Variants in MAP3K20 observed in about 807,000 individuals in gnomAD.
The protein encoded by MAP3K20 is mitogen-activated protein kinase kinase kinase 20.
MAP3K20 carries 40 observed loss-of-function variants against 85.7 expected under a neutral mutation model. The ratio of observed to expected loss-of-function variants is 0.47; its 90% CI spans 0.36 to 0.61. The LOEUF (loss-of-function observed/expected upper bound fraction) is 0.61. Ranked by LOEUF, MAP3K20 falls within the 20% of genes least tolerant of loss-of-function variation. The pLI, the probability that MAP3K20 is intolerant of heterozygous loss-of-function variation, is 0.00. For synonymous variants in MAP3K20, 325 were observed against 327.7 expected, an observed-to-expected ratio of 0.99 and a Z score of 0.09; for missense variants, 817 against 961.7, an observed-to-expected ratio of 0.85 and a Z score of 1.99.
intron 2 of MAP3K20, among the ~76,000 whole-genome samples, chr2:173,145,069 G>A (rs1230337309): frequency 6.6e-6 from 1 of 152,064 alleles, no homozygotes; most frequent in Non-Finnish European, 1.5e-5. Context: ...TATACCAAAT[G>A]CAAAAATTAA....
At position 173,187,631 on chromosome 2, in the gene MAP3K20, AGTTAT is replaced by A. The variant is rs1559269229; in HGVS notation, c.415+12_415+16del. 1.9e-6 allele frequency: 3 copies of A among 1,600,696 alleles called. No individual in the cohort carries two copies. The African/African-American group carries it at 4.0e-5, about 22-fold the overall frequency. ...ACCTCAAGTCAAGAAACGGTAATGT[AGTTAT>A]GTTTTTATTTTACCTATTTTATTAC... On this transcript the variant is annotated intron_variant, in intron 5 of 19. Transcript: ENST00000375213.
intron 2 of MAP3K20, among the ~76,000 whole-genome samples, chr2:173,115,713 C>A (rs1688102058): frequency 6.6e-6 from 1 of 152,178 alleles, no homozygotes; most frequent in Non-Finnish European, 1.5e-5. Flanking sequence ...GCAAGTCTAC[C>A]AGGCTCCAGG....
chr2:173,219,884 T>C (rs537546859), intron 11 of MAP3K20, among the ~76,000 whole-genome samples: 56 of 152,042 alleles, frequency 3.7e-4, no homozygotes, highest in African/African-American at 5.1e-4. Flanking sequence ...CTGGACAGCA[T>C]AGTGAAACCC....
At chr2:173,145,157 G>A (rs1377907471) in intron 2 of MAP3K20, among the ~76,000 whole-genome samples, 1 of 151,956 alleles carries the variant, frequency 6.6e-6, no homozygotes, top group Non-Finnish European at 1.5e-5. Context: ...AATCTCTTGT[G>A]ACCTTTGATA....
upstream of MAP3K20, chr2:173,075,708 G>A (rs1212573389): frequency 4.3e-6 from 4 of 938,306 alleles, no homozygotes; most frequent in Non-Finnish European, 5.0e-6. Flanking sequence ...GGGGCGCGGG[G>A]CGGATGGTGC....
intron 2 of MAP3K20, among the ~76,000 whole-genome samples, chr2:173,144,529 AG>A (rs1322843521): frequency 7.0e-6 from 1 of 142,878 alleles, no homozygotes; most frequent in Non-Finnish European, 1.5e-5. Context: ...AAAAGAGAAA[AG>A]AAAAGAAATA....
In MAP3K20 at chr2:173,224,273, G is replaced by A. The variant is rs187283852; in HGVS notation, c.988-5416G>A. The A allele has an allele frequency of 2.4e-5, 24 of 985,314 alleles. No individual in the cohort carries two copies. The East Asian group carries it at 1.1e-3, about 47-fold the overall frequency. 61.0% of individuals were successfully genotyped at this position (985,314 alleles called of 1,614,324 possible). A position where few individuals can be genotyped will look rare whatever the true frequency, so the allele number is the denominator to read the frequency against. On this transcript the variant is annotated intron_variant, in intron 11 of 19. Coordinates refer to ENST00000375213, the MANE Select transcript of MAP3K20 (RefSeq NM_016653.3). ...CAAGGGGATCTTTGGGGCTAACTTC[G>A]GGATCCCTGCACTTTATGTAAGAAT...
At chr2:173,214,347 C>T (rs1199361706) in intron 10 of MAP3K20, 2 of 152,166 alleles carry the variant, frequency 1.3e-5, no homozygotes, top group African/African-American at 4.8e-5. Context: ...TTTGGATTTT[C>T]ATTAACCATG....
chr2:173,156,305 C>A (rs1203633372), intron 2 of MAP3K20, among the ~76,000 whole-genome samples: 1 of 152,114 alleles, frequency 6.6e-6, no homozygotes, highest in African/African-American at 2.4e-5. Flanking sequence ...TTTAGTAGAA[C>A]CCCATTTATT....
At chr2:173,107,621 T>C (rs918702851) in intron 2 of MAP3K20, among the ~76,000 whole-genome samples, 3 of 152,234 alleles carry the variant, frequency 2.0e-5, no homozygotes, top group Non-Finnish European at 2.9e-5. Context: ...TAGGAAGCAA[T>C]ATGGCTTCGT....
intron 11 of MAP3K20, chr2:173,226,166 C>T: frequency 3.3e-6 from 3 of 906,316 alleles, no homozygotes; most frequent in South Asian, 1.0e-4. Context: ...AAACTTGATC[C>T]CCATTAAAAA....
intron 2 of MAP3K20, among the ~76,000 whole-genome samples, chr2:173,147,197 T>A (rs1055640071): frequency 6.6e-6 from 1 of 152,264 alleles, no homozygotes; most frequent in Non-Finnish European, 1.5e-5. Context: ...GTACTAACGT[T>A]CTTCATTTTG....
At chr2:173,248,221 T>C (rs982345037) in intron 16 of MAP3K20, among the ~76,000 whole-genome samples, 2 of 152,184 alleles carry the variant, frequency 1.3e-5, no homozygotes, top group African/African-American at 4.8e-5. Flanking sequence ...GGAATGCTGC[T>C]TCTCAGTTTC....
chr2:173,205,385 T>G (rs762783083), intron 9 of MAP3K20, among the ~76,000 whole-genome samples: 13 of 152,118 alleles, frequency 8.5e-5, no homozygotes, highest in Non-Finnish European at 1.6e-4. Context: ...ATATGTTTCT[T>G]TAATGGGAAT....
At chr2:173,104,792 A>C (rs1687737942) in intron 2 of MAP3K20, among the ~76,000 whole-genome samples, 1 of 152,186 alleles carries the variant, frequency 6.6e-6, no homozygotes, top group Non-Finnish European at 1.5e-5. Context: ...CTAGGGTTCA[A>C]ATTTCAATGA....
intron 11 of MAP3K20, among the ~76,000 whole-genome samples, chr2:173,219,429 ATTTAT>A (rs1197378547): frequency 9.2e-5 from 14 of 152,146 alleles, no homozygotes; most frequent in African/African-American, 1.9e-4. Flanking sequence ...TAAACTTTTT[ATTTAT>A]TTTAAGAATA....
chr2:173,087,338 G>A (rs1373223525), intron 1 of MAP3K20, among the ~76,000 whole-genome samples: 1 of 152,228 alleles, frequency 6.6e-6, no homozygotes, highest in African/African-American at 2.4e-5. Context: ...ATTTGAAGCA[G>A]AGACACTAGC....
At chr2:173,159,716 T>G (rs1463537790) in intron 2 of MAP3K20, among the ~76,000 whole-genome samples, 1 of 152,200 alleles carries the variant, frequency 6.6e-6, no homozygotes, top group Non-Finnish European at 1.5e-5. Flanking sequence ...TCAGTGACAT[T>G]CTGGTGTGAA....
At chr2:173,253,182 C>G (rs1328280742) in intron 16 of MAP3K20, among the ~76,000 whole-genome samples, 1 of 152,218 alleles carries the variant, frequency 6.6e-6, no homozygotes, top group African/African-American at 2.4e-5. Flanking sequence ...CTACCTTGTT[C>G]TCGGTCCCAT....
Sources: gnomAD v4.1 joint callset for allele counts (sites outside exome capture counted in the v4.1 genomes callset) on GRCh38, gnomAD v4.1.1 for gene constraint, MANE v1.5 for transcripts, NCBI Gene and HGNC (gene_info 2026-07-23, HGNC 2026-07-21) for gene names.